TSPAN15: variants seen among roughly 807,000 people sequenced by gnomAD.
TSPAN15 encodes the protein tetraspanin 15.
In TSPAN15, 20 loss-of-function variants were observed where a neutral mutation model predicts 34.5. That is an observed-to-expected ratio of 0.58 (90% confidence interval 0.41 to 0.84). The LOEUF (loss-of-function observed/expected upper bound fraction) is 0.84, where lower values mean the gene tolerates loss of function less well. Among genes scored for constraint, TSPAN15 ranks in the 40% least tolerant of loss-of-function variants. TSPAN15 has a pLI of 0.00. For missense variants in TSPAN15, 313 were observed against 386.1 expected, an observed-to-expected ratio of 0.81 and a Z score of 1.59; for synonymous variants, 155 against 153.9, an observed-to-expected ratio of 1.01 and a Z score of -0.05.
chr10:69,468,116 G>A (rs1270963177), intron 1 of TSPAN15, among the ~76,000 whole-genome samples: 7 of 123,556 alleles, frequency 5.7e-5, no homozygotes, highest in South Asian at 2.5e-4. Context: ...TCCAGCCCCC[G>A]CCCCCCTCCC....
chr10:69,501,434 CAG>C (rs913261135), intron 5 of TSPAN15, among the ~76,000 whole-genome samples: 8 of 152,208 alleles, frequency 5.3e-5, no homozygotes, highest in Non-Finnish European at 1.2e-4. Context: ...AAATGTGAAA[CAG>C]GGCGTTCGCT....
intron 6 of TSPAN15, 165 bp from the exon 7 acceptor site, chr10:69,505,959 A>C: frequency 1.6e-6 from 1 of 606,908 alleles, no homozygotes. Flanking sequence ...AGTACTGTCC[A>C]TTAAGAATCA....
chr10:69,512,053 C>A (rs1842420265), downstream of TSPAN15, among the ~76,000 whole-genome samples: 1 of 152,118 alleles, frequency 6.6e-6, no homozygotes, highest in Non-Finnish European at 1.5e-5. Context: ...CAAACCTGCC[C>A]ATTCTGCACA....
the TSPAN15 span, among the ~76,000 whole-genome samples, chr10:69,541,379 A>T: frequency 1.3e-5 from 2 of 152,010 alleles, no homozygotes; most frequent in South Asian, 4.1e-4. Flanking sequence ...TCCTACATAC[A>T]GGCATTTGGT....
At chr10:69,478,954 A>C (rs973218788) in intron 1 of TSPAN15, among the ~76,000 whole-genome samples, 2 of 152,212 alleles carry the variant, frequency 1.3e-5, no homozygotes, top group African/African-American at 4.8e-5. Flanking sequence ...TGTTGCCCAC[A>C]TCCCACATGG....
Position 69,481,587 on chromosome 10 carries a change from A to G in TSPAN15, c.97-2104A>G, listed in dbSNP as rs192660052. ...TCTGCTTAAGGACATGATGATCAGTAAGGAGACCCATGAAGTCAGTTTAAG... is the reference window on the plus strand; with the variant it reads ...TCTGCTTAAGGACATGATGATCAGTGAGGAGACCCATGAAGTCAGTTTAAG... On this transcript the variant is annotated intron_variant, in intron 1 of 7. Transcript: ENST00000373290. Among the ~76,000 whole-genome samples, 681 of 152,336 alleles carry G rather than the reference A, an allele frequency of 4.5e-3. 5 individuals are homozygous for G. The highest frequency in any genetic ancestry group is 0.016 in the African/African-American group (647 of 41,578).
chr10:69,506,887 A>T lies in TSPAN15; in HGVS notation c.794A>T (p.Glu265Val), dbSNP rs1288558701. Residue 265 changes from glutamate to valine, a missense_variant, in exon 8 of 8, where the codon GAG (glutamate) becomes GTG (valine). Physicochemically the swap from Glu to Val is moderately radical, Grantham distance 121. Coordinates refer to ENST00000373290, the MANE Select transcript of TSPAN15 (RefSeq NM_012339.5). This position sits in a 1 kb window ranked among gnomAD's most constrained non-coding sequence, Gnocchi z 4.7. ...YITRVEDIIM[E>V]HSVTDGLLGP... ...ACCCGGGTGGAGGACATCATCATGG[A>T]GCACTCTGTCACTGATGGGCTCCTG... 2.5e-6 allele frequency: 4 copies of T among 1,605,918 alleles called. No individual in the cohort carries two copies. The highest frequency in any genetic ancestry group is 3.4e-6 in the Non-Finnish European group (4 of 1,176,930).
At chr10:69,539,536 AAGGAGAAGG>A in the TSPAN15 span, among the ~76,000 whole-genome samples, 8,362 of 69,334 alleles carry the variant, frequency 0.12, 645 homozygotes, top group East Asian at 0.15. Context: ...GAAGAAGAAG[AAGGAGAAGG>A]AGAAGGAGAA....
At chr10:69,451,810 G>A in intron 1 of TSPAN15, 120 bp downstream of exon 1, 2 of 731,980 alleles carry the variant, frequency 2.7e-6, no homozygotes, top group African/African-American at 1.8e-5. Context: ...GTGAGCGCGC[G>A]CGGACTCCTT....
chr10:69,517,784 G>T, the TSPAN15 span, among the ~76,000 whole-genome samples: 1 of 152,202 alleles, frequency 6.6e-6, no homozygotes, highest in Non-Finnish European at 1.5e-5. Context: ...CTCTGCCAGG[G>T]TTTGAGGGGC....
intron 1 of TSPAN15, among the ~76,000 whole-genome samples, chr10:69,465,591 C>T (rs1474596170): frequency 2.0e-5 from 3 of 152,174 alleles, no homozygotes; most frequent in Non-Finnish European, 4.4e-5. Flanking sequence ...ACTTCAACCT[C>T]CAGCAACCTA....
chr10:69,467,719 A>G (rs1283691778), intron 1 of TSPAN15, among the ~76,000 whole-genome samples: 2 of 152,148 alleles, frequency 1.3e-5, no homozygotes, highest in Admixed American at 6.5e-5. Flanking sequence ...AAAAGGTGAA[A>G]GAATGTTCTT....
chr10:69,495,212 C>T (rs76332275), intron 3 of TSPAN15: 7,949 of 186,264 alleles, frequency 0.043, 234 homozygotes, highest in Admixed American at 0.051. Flanking sequence ...CATCCCTGGG[C>T]GGTAGAAAGA....
In TSPAN15 at chr10:69,498,489, G is replaced by C. The variant is rs138268981; in HGVS notation, c.570+93G>C. ...CTCTCTTCCCAACTTGAAGATGGGT[G>C]GTGTGGGTGGATGGCAGGGAAGTAG... On this transcript the variant is annotated intron_variant, in intron 5 of 7. Coordinates refer to ENST00000373290, the MANE Select transcript of TSPAN15 (RefSeq NM_012339.5). 3.2e-4 allele frequency: 323 copies of C among 1,015,808 alleles called. 1 individual carries two copies. In the African/African-American group the frequency reaches 3.6e-3, roughly 11 times the overall value. The allele number at this position is 1,015,808 out of a possible 1,614,324, so 62.9% of individuals were successfully genotyped here. A position where few individuals can be genotyped will look rare whatever the true frequency, so the allele number is the denominator to read the frequency against.
At chr10:69,526,380 C>T in the TSPAN15 span, among the ~76,000 whole-genome samples, 1 of 148,256 alleles carries the variant, frequency 6.7e-6, no homozygotes, top group African/African-American at 2.5e-5. Context: ...GGGCAAAGAA[C>T]CTGAAAAGAT....
the TSPAN15 span, among the ~76,000 whole-genome samples, chr10:69,524,842 G>T: frequency 6.9e-6 from 1 of 145,606 alleles, no homozygotes; most frequent in Non-Finnish European, 1.5e-5. Context: ...GTGCAATGGT[G>T]CAATCTCCAC....
chr10:69,487,294 G>A (rs982661964), intron 3 of TSPAN15, among the ~76,000 whole-genome samples: 3 of 152,094 alleles, frequency 2.0e-5, no homozygotes, highest in South Asian at 2.1e-4. Flanking sequence ...GAGGCACACA[G>A]GAGTTAAGAA....
the TSPAN15 span, among the ~76,000 whole-genome samples, chr10:69,515,831 C>T: frequency 1.3e-5 from 2 of 152,292 alleles, no homozygotes; most frequent in South Asian, 2.1e-4. Context: ...CGCGGCTGAC[C>T]CACTACTTGG....
At chr10:69,540,129 G>T in the TSPAN15 span, among the ~76,000 whole-genome samples, 2 of 152,056 alleles carry the variant, frequency 1.3e-5, no homozygotes, top group Non-Finnish European at 2.9e-5. Flanking sequence ...GATCTCAAGT[G>T]ATCCACCTGC....
Sources: gnomAD v4.1 joint callset for allele counts (sites outside exome capture counted in the v4.1 genomes callset) on GRCh38, gnomAD v4.1.1 for gene constraint, Gnocchi (gnomAD v3.1) non-coding constraint, MANE v1.5 for transcripts, NCBI Gene and HGNC (gene_info 2026-07-23, HGNC 2026-07-21) for gene names.